Variants in FAR2 observed in about 807,000 individuals in gnomAD.
FAR2 encodes fatty acyl-CoA reductase 2, also known as epididymis secretory protein Li 81.
FAR2 carries 19 observed loss-of-function variants against 56.0 expected under a neutral mutation model. The observed-to-expected ratio is 0.34, with a 90% CI of 0.24 to 0.50. FAR2 has a LOEUF of 0.50. FAR2 is among the 20% of genes least tolerant of loss of function. The probability of loss-of-function intolerance (pLI) is 0.98; values close to 1 mark genes in which losing one functional copy is unlikely to be tolerated. For synonymous variants in FAR2, 219 were observed against 218.8 expected (o/e 1.00, Z -0.01); for missense variants, 508 against 642.2 (o/e 0.79, Z 2.26).
At chr12:29,155,434 A>G (rs909426430) in intron 1 of FAR2, among the ~76,000 whole-genome samples, 2 of 152,224 alleles carry the variant, frequency 1.3e-5, no homozygotes, top group African/African-American at 4.8e-5. Flanking sequence ...GCAGAGCATA[A>G]TGGAAGAAAC....
At chr12:29,313,610 A>G (rs1949390531) in intron 8 of FAR2, among the ~76,000 whole-genome samples, 1 of 152,112 alleles carries the variant, frequency 6.6e-6, no homozygotes, top group African/African-American at 2.4e-5. Flanking sequence ...AGAATTTTGC[A>G]GGCTTTCAGT....
chr12:29,300,523 G>A (rs2136766527), intron 4 of FAR2, among the ~76,000 whole-genome samples: 1 of 152,278 alleles, frequency 6.6e-6, no homozygotes, highest in South Asian at 2.1e-4. Context: ...TCTCTATTTA[G>A]TAATTGGTCT....
chr12:29,194,855 C>A (rs908502452), intron 1 of FAR2, among the ~76,000 whole-genome samples: 1 of 151,920 alleles, frequency 6.6e-6, no homozygotes, highest in Non-Finnish European at 1.5e-5. Flanking sequence ...AGTCAAACGT[C>A]AAAAAATGGA....
intron 1 of FAR2, among the ~76,000 whole-genome samples, chr12:29,215,912 A>G (rs1190549166): frequency 1.3e-5 from 2 of 152,172 alleles, no homozygotes; most frequent in African/African-American, 2.4e-5. Context: ...ATATATAACC[A>G]TGGCCCTATG....
intron 1 of FAR2, among the ~76,000 whole-genome samples, chr12:29,165,393 C>T (rs988970466): frequency 2.6e-5 from 4 of 152,142 alleles, no homozygotes; most frequent in South Asian, 4.1e-4. Flanking sequence ...AAAAGTTTGT[C>T]GCATCAATCC....
intron 1 of FAR2, among the ~76,000 whole-genome samples, chr12:29,241,128 A>G (rs188999225): frequency 4.6e-5 from 7 of 152,330 alleles, no homozygotes; most frequent in Admixed American, 6.5e-5. Context: ...AAAAGCTAGT[A>G]TTGAAAGTGC....
intron 1 of FAR2, among the ~76,000 whole-genome samples, chr12:29,157,870 G>C (rs374291044): frequency 1.3e-5 from 2 of 152,290 alleles, no homozygotes; most frequent in African/African-American, 4.8e-5. Context: ...GCACAGTATT[G>C]TCAAGAAACC....
intron 1 of FAR2, among the ~76,000 whole-genome samples, chr12:29,178,520 T>C (rs1031687169): frequency 2.0e-5 from 3 of 152,092 alleles, no homozygotes; most frequent in African/African-American, 7.2e-5. Flanking sequence ...TGCTTGAGCC[T>C]GGGACGTCGA....
At chr12:29,218,346 A>G (rs1053646654) in intron 1 of FAR2, among the ~76,000 whole-genome samples, 1 of 144,274 alleles carries the variant, frequency 6.9e-6, no homozygotes, top group Non-Finnish European at 1.5e-5. Context: ...GTGACAGAGC[A>G]AGACTCCGTC....
chr12:29,227,884 A>AG (rs1226627575), intron 1 of FAR2, among the ~76,000 whole-genome samples: 1 of 151,772 alleles, frequency 6.6e-6, no homozygotes, highest in East Asian at 1.9e-4. Context: ...AAGGTAAAAA[A>AG]AAAAAAATTG....
intron 1 of FAR2, among the ~76,000 whole-genome samples, chr12:29,168,060 G>T (rs534067064): frequency 6.6e-6 from 1 of 152,040 alleles, no homozygotes; most frequent in African/African-American, 2.4e-5. Flanking sequence ...GTTTTTTTAC[G>T]CAGGATTCCA....
intron 2 of FAR2, among the ~76,000 whole-genome samples, chr12:29,285,314 G>A (rs974956628): frequency 6.6e-6 from 1 of 152,156 alleles, no homozygotes; most frequent in Non-Finnish European, 1.5e-5. Context: ...GGAAACATTT[G>A]CATTAAAACT....
intron 1 of FAR2, among the ~76,000 whole-genome samples, chr12:29,208,083 G>A (rs2136624674): frequency 6.6e-6 from 1 of 152,328 alleles, no homozygotes; most frequent in Middle Eastern, 3.4e-3. Context: ...TTTCAAGTCA[G>A]TTTGTGTATT....
At chr12:29,217,546 A>C (rs543331592) in intron 1 of FAR2, among the ~76,000 whole-genome samples, 1 of 152,222 alleles carries the variant, frequency 6.6e-6, no homozygotes, top group South Asian at 2.1e-4. Context: ...AAAAGCCTAT[A>C]ATACACACAG....
chr12:29,307,454 G>A (rs1011671618), intron 4 of FAR2, among the ~76,000 whole-genome samples: 1 of 151,554 alleles, frequency 6.6e-6, no homozygotes, highest in African/African-American at 2.4e-5. Flanking sequence ...GGAGGGCATA[G>A]GATAAGATTG....
At chr12:29,321,132 G>C (rs1949544529) in intron 9 of FAR2, among the ~76,000 whole-genome samples, 2 of 150,298 alleles carry the variant, frequency 1.3e-5, no homozygotes, top group Admixed American at 6.6e-5. Flanking sequence ...AACTGCTTTT[G>C]ATTCAACAAA....
rs1949718726 is a variant in FAR2, at chr12:29,330,675, A to G, written c.1258-1925A>G. 2.0e-5 allele frequency among the ~76,000 whole-genome samples: 3 copies of G among 152,222 alleles called. No homozygotes were observed. The South Asian group carries it at 6.2e-4, about 31-fold the overall frequency. Reference sequence around the variant, plus strand: ...TGTAATATTTCCTGAAGAGAAAAAGAGCTAAATATAGACTCTGGAGGAAAG... The same window carrying G: ...TGTAATATTTCCTGAAGAGAAAAAGGGCTAAATATAGACTCTGGAGGAAAG... On this transcript the variant is annotated intron_variant, in intron 10 of 11. Transcript: ENST00000536681.
chr12:29,196,224 T>C (rs1587185), intron 1 of FAR2, among the ~76,000 whole-genome samples: 111,904 of 151,806 alleles, frequency 0.74, 43,298 homozygotes, highest in East Asian at 0.91. Context: ...CGGTAGTGGA[T>C]TGCTGGATTT....
intron 2 of FAR2, among the ~76,000 whole-genome samples, chr12:29,274,978 C>T (rs1400583875): frequency 7.1e-4 from 1 of 1,404 alleles, no homozygotes; most frequent in South Asian, 0.045. Flanking sequence ...TGACTCGGAT[C>T]GGGGGACCTC....
Sources: gnomAD v4.1 joint callset for allele counts (sites outside exome capture counted in the v4.1 genomes callset) on GRCh38, gnomAD v4.1.1 for gene constraint, MANE v1.5 for transcripts, NCBI Gene and HGNC (gene_info 2026-07-23, HGNC 2026-07-21) for gene names.